Variants in IQANK1 observed in about 807,000 individuals in gnomAD.
IQANK1 encodes IQ motif and ankyrin repeat containing 1, also known as IQ motif and ankyrin repeat domain-containing protein 1.
Under a neutral mutation model 22.6 loss-of-function variants are expected in IQANK1, and 30 were observed. The observed-to-expected ratio is 1.33, with a 90% CI of 0.99 to 1.80. IQANK1 has a LOEUF of 1.80. IQANK1 is among the 40% of genes most tolerant of loss of function. IQANK1 has a pLI of 0.00. For synonymous variants in IQANK1, 122 were observed against 99.6 expected (o/e 1.23, Z -1.34); for missense variants, 275 against 235.2 (o/e 1.17, Z -1.11).
intron 7 of IQANK1, among the ~76,000 whole-genome samples, chr8:143,787,219 T>C (rs1345495387): frequency 6.6e-6 from 1 of 152,190 alleles, no homozygotes; most frequent in Non-Finnish European, 1.5e-5. Flanking sequence ...TTGGGCTCTA[T>C]TTAAAGCAAA....
rs1554625504 is a variant in IQANK1, at chr8:143,735,322, C to T, written c.-4-528C>T. 6.6e-6 allele frequency among the ~76,000 whole-genome samples: 1 copy of T among 152,094 alleles called. No homozygotes were observed. Among genetic ancestry groups the T allele is most frequent in the African/African-American group, 2.4e-5 (1 of 41,400 alleles). On this transcript the variant is annotated intron_variant, in intron 1 of 13. Transcript: ENST00000527139. The surrounding 1 kb of genome is among the most constrained non-coding windows in gnomAD (Gnocchi z 5.2). ...GTGGACTAGGGAGAGGGGTGTTGCT[C>T]CAGGGCCTGACACCACCATCTGCCA...
intron 7 of IQANK1, among the ~76,000 whole-genome samples, chr8:143,785,088 G>A (rs1416846587): frequency 1.3e-5 from 2 of 151,248 alleles, no homozygotes; most frequent in Non-Finnish European, 2.9e-5. Context: ...CCAGCTCTCT[G>A]CTAAAATCAA....
intron 3 of IQANK1, among the ~76,000 whole-genome samples, chr8:143,752,995 C>CATTTTTT (rs1563771948): frequency 4.0e-5 from 3 of 74,700 alleles, no homozygotes; most frequent in African/African-American, 1.4e-4. Context: ...ACTCTCTGTT[C>CATTTTTT]GTTTTTTTTT....
At chr8:143,744,286 C>T (rs1563768786) in intron 3 of IQANK1, 1 of 153,878 alleles carries the variant, frequency 6.5e-6, no homozygotes, top group Non-Finnish European at 1.4e-5. Context: ...TCACAAGTTC[C>T]AGGGGGCAGG....
intron 3 of IQANK1, among the ~76,000 whole-genome samples, chr8:143,753,951 T>G (rs1179420337): frequency 6.6e-6 from 1 of 152,102 alleles, no homozygotes; most frequent in East Asian, 1.9e-4. Context: ...TTTCTACTGT[T>G]GTAGGCTGTC....
At chr8:143,751,678 A>ATATATATATATATATATATATATATAT (rs1554628061) in intron 3 of IQANK1, among the ~76,000 whole-genome samples, 6 of 139,116 alleles carry the variant, frequency 4.3e-5, no homozygotes, top group African/African-American at 1.0e-4. Flanking sequence ...ATATATATAT[A>ATATATATATATATATATATATATATAT]AAATCCTATA....
At chr8:143,755,281 T>C (rs531583814) in intron 3 of IQANK1, among the ~76,000 whole-genome samples, 2 of 152,332 alleles carry the variant, frequency 1.3e-5, no homozygotes, top group African/African-American at 4.8e-5. Flanking sequence ...GTGCATTCCA[T>C]GGGAAAGAAG....
chr8:143,772,095 C>CAGGCG lies in IQANK1; in HGVS notation c.521_525dup (p.Leu178GlyfsTer70). The CAGGCG allele has an allele frequency of 2.5e-6, 1 of 395,650 alleles. No individual in the cohort carries two copies. Among genetic ancestry groups the CAGGCG allele is most frequent in the Non-Finnish European group, 4.5e-6 (1 of 224,368 alleles). 24.5% of individuals were successfully genotyped at this position (395,650 alleles called of 1,614,324 possible). A position where few individuals can be genotyped will look rare whatever the true frequency, so the allele number is the denominator to read the frequency against. ...CGCGAGGGCGTGGGCCACGACGAGG[C>CAGGCG]AGGCGAGGCGCGGCGGCTGCAGCGA... On this transcript the variant is annotated frameshift_variant, in exon 6 of 14. Coordinates refer to ENST00000527139, the MANE Select transcript of IQANK1 (RefSeq NM_001381874.1). LOFTEE classifies it high-confidence loss of function.
chr8:143,771,981 A>G lies in IQANK1; in HGVS notation c.471+16A>G, dbSNP rs868942204. ...GCTGAAGGAGGTCAGCGGGGGCGGG[A>G]GGAGGACGAGGGCGGGGGGTGGGGT... On this transcript the variant is annotated intron_variant, in intron 5 of 13. Coordinates refer to ENST00000527139, the MANE Select transcript of IQANK1 (RefSeq NM_001381874.1). The surrounding 1 kb of genome is among the most constrained non-coding windows in gnomAD (Gnocchi z 6.0). 136 of 39,306 alleles carry G rather than the reference A, an allele frequency of 3.5e-3. 1 individual carries two copies. Among genetic ancestry groups the G allele is most frequent in the Middle Eastern group, 0.023 (2 of 88 alleles). 2.4% of individuals were successfully genotyped at this position (39,306 alleles called of 1,614,324 possible).
intron 7 of IQANK1, among the ~76,000 whole-genome samples, chr8:143,778,944 G>A (rs1216782371): frequency 3.3e-5 from 5 of 152,022 alleles, no homozygotes; most frequent in African/African-American, 1.2e-4. Flanking sequence ...TCTTTTGTAT[G>A]TTAAGTAGAG....
At chr8:143,768,808 T>C (rs1253627162) in intron 3 of IQANK1, among the ~76,000 whole-genome samples, 1 of 152,186 alleles carries the variant, frequency 6.6e-6, no homozygotes, top group Non-Finnish European at 1.5e-5. Flanking sequence ...CTTCCCAAGA[T>C]TGCTTATTGA....
At position 143,789,800 on chromosome 8, in the gene IQANK1, C is replaced by A; in HGVS notation, c.1126C>A (p.Gln376Lys). 2 of 1,232,146 alleles carry A rather than the reference C, an allele frequency of 1.6e-6. 1 individual carries two copies. The highest frequency in any genetic ancestry group is 8.2e-5 in the South Asian group (2 of 24,330). 76.3% of individuals were successfully genotyped at this position (1,232,146 alleles called of 1,614,324 possible). ...AGAGGCCCAGGTGGACAGGCTGCGG[C>A]AGGAGGCCCAGAAGGCCGAGGAGGC... ...DTEAQVDRLR[Q>K]EAQKAEEALA... The change falls in exon 11 of 14, where the codon CAG (glutamine) becomes AAG (lysine). Residue 376 changes from glutamine (Q) to lysine (K), a missense_variant. Coordinates refer to ENST00000527139, the MANE Select transcript of IQANK1 (RefSeq NM_001381874.1).
intron 3 of IQANK1, among the ~76,000 whole-genome samples, chr8:143,753,707 G>A (rs892425707): frequency 4.0e-4 from 60 of 151,780 alleles, no homozygotes; most frequent in African/African-American, 1.4e-3. Context: ...TGCCTGCCTC[G>A]GCCTCCCAAA....
intron 2 of IQANK1, chr8:143,739,470 C>A: frequency 5.4e-6 from 1 of 185,562 alleles, no homozygotes; most frequent in East Asian, 1.5e-4. Context: ...CACACAGAGA[C>A]CGGAAAGGGC....
At chr8:143,734,835 T>C (rs1366661162) in intron 1 of IQANK1, among the ~76,000 whole-genome samples, 1 of 130,240 alleles carries the variant, frequency 7.7e-6, no homozygotes, top group Admixed American at 7.6e-5. Context: ...CGCCCCCCCA[T>C]GTACACAGCA....
intron 3 of IQANK1, among the ~76,000 whole-genome samples, chr8:143,750,081 T>C (rs1563771113): frequency 6.6e-6 from 1 of 152,132 alleles, no homozygotes; most frequent in Non-Finnish European, 1.5e-5. Context: ...CTCGGCTCAC[T>C]GCAACCTCTG....
intron 3 of IQANK1, chr8:143,743,853 T>G: frequency 2.3e-6 from 1 of 431,686 alleles, no homozygotes; most frequent in South Asian, 1.7e-5. Flanking sequence ...TTTCTTTTTT[T>G]TTTGAGATGG....
At chr8:143,770,417 C>T (rs1453096467) in intron 3 of IQANK1, among the ~76,000 whole-genome samples, 1 of 152,200 alleles carries the variant, frequency 6.6e-6, no homozygotes, top group Non-Finnish European at 1.5e-5. Context: ...CTGACGGCGC[C>T]TCTCCCTTTA....
chr8:143,750,579 T>C (rs535325762), intron 3 of IQANK1, among the ~76,000 whole-genome samples: 8 of 152,186 alleles, frequency 5.3e-5, no homozygotes, highest in Non-Finnish European at 1.2e-4. Flanking sequence ...TTCATGCCTG[T>C]AATCTCAGTG....
Sources: gnomAD v4.1 joint callset for allele counts (sites outside exome capture counted in the v4.1 genomes callset) on GRCh38, gnomAD v4.1.1 for gene constraint, Gnocchi (gnomAD v3.1) non-coding constraint, MANE v1.5 for transcripts, NCBI Gene and HGNC (gene_info 2026-07-23, HGNC 2026-07-21) for gene names.